The following NUDT19 variants were observed in gnomAD, a reference collection of about 807,000 sequenced individuals.
The protein encoded by NUDT19 is acyl-coenzyme A diphosphatase NUDT19.
In NUDT19, 31 loss-of-function variants were observed where a neutral mutation model predicts 22.2. The ratio of observed to expected loss-of-function variants is 1.40; its 90% CI spans 1.05 to 1.89. The LOEUF is 1.89. Among genes scored for constraint, NUDT19 ranks in the 40% most tolerant of loss-of-function variants. NUDT19 has a pLI of 0.00. For synonymous variants in NUDT19, 325 were observed against 230.8 expected, an observed-to-expected ratio of 1.41 and a Z score of -3.70; for missense variants, 752 against 514.2, an observed-to-expected ratio of 1.46 and a Z score of -4.47.
rs749977972 is a variant in NUDT19, at chr19:32,692,348, C to A, written c.388C>A (p.Arg130=). The part of the protein sequence containing the change: ...EDVAFRICAV[R]EAFEEAGVLL... ...CGTAGCCTTCCGCATCTGCGCCGTGCGGGAGGCCTTTGAGGAGGCGGGCGT... is the reference window on the plus strand; with the variant it reads ...CGTAGCCTTCCGCATCTGCGCCGTGAGGGAGGCCTTTGAGGAGGCGGGCGT... The change falls in exon 1 of 3, where the codon CGG becomes AGG. Residue 130 remains arginine, a synonymous_variant. Coordinates refer to ENST00000397061, the MANE Select transcript of NUDT19 (RefSeq NM_001105570.2). 11 of 1,590,444 alleles carry A rather than the reference C, an allele frequency of 6.9e-6. No homozygotes were observed. The highest frequency in any genetic ancestry group is 9.4e-6 in the Non-Finnish European group (11 of 1,176,380).
rs185004934 is a variant in NUDT19, at chr19:32,692,539, G to A, written c.579G>A (p.Ala193=). 8.2e-6 allele frequency: 13 copies of A among 1,591,346 alleles called. No individual in the cohort carries two copies. The highest frequency in any genetic ancestry group is 1.7e-4 in the Middle Eastern group (1 of 5,936). The change falls in exon 1 of 3, where the codon GCG becomes GCA. Residue 193 remains alanine (A), a synonymous_variant. Coordinates refer to ENST00000397061, the MANE Select transcript of NUDT19 (RefSeq NM_001105570.2). The part of the protein sequence containing the change: ...AHLDCTPDIW[A]LHNWSAWLTP... ...TCGACTGCACACCCGACATCTGGGCGCTGCACAACTGGAGCGCCTGGCTCA... is the reference window on the plus strand; with the variant it reads ...TCGACTGCACACCCGACATCTGGGCACTGCACAACTGGAGCGCCTGGCTCA...
intron 1 of NUDT19, among the ~76,000 whole-genome samples, chr19:32,700,629 T>G (rs2145361846): frequency 6.6e-6 from 1 of 152,296 alleles, no homozygotes; most frequent in Non-Finnish European, 1.5e-5. Context: ...CGGATCTCAC[T>G]ATGTTGCTCA....
intron 1 of NUDT19, among the ~76,000 whole-genome samples, chr19:32,700,542 G>C (rs184982452): frequency 2.0e-5 from 3 of 152,164 alleles, no homozygotes; most frequent in African/African-American, 7.2e-5. Context: ...AGTGATTCTC[G>C]TCTCAGCTTC....
intron 1 of NUDT19, among the ~76,000 whole-genome samples, chr19:32,696,059 C>T (rs745834312): frequency 2.6e-5 from 4 of 152,134 alleles, no homozygotes; most frequent in Non-Finnish European, 5.9e-5. Context: ...CTAAGAGATC[C>T]TTTCAGGCGG....
chr19:32,705,608 A>C (rs1197080985), intron 1 of NUDT19, among the ~76,000 whole-genome samples: 1 of 146,090 alleles, frequency 6.8e-6, no homozygotes, highest in Non-Finnish European at 1.5e-5. Context: ...TTTTTGAGAC[A>C]TACTTTCACT....
intron 2 of NUDT19, among the ~76,000 whole-genome samples, chr19:32,711,317 A>G (rs923874170): frequency 6.6e-6 from 1 of 151,828 alleles, no homozygotes; most frequent in African/African-American, 2.4e-5. Context: ...ACAAAAATTA[A>G]CCAGGCGTGG....
chr19:32,691,974 T>G lies in NUDT19; in HGVS notation c.14T>G (p.Leu5Arg). MSSS[L>R]RPGPSRWRRA... ...AAGCTGCGCGCCATGAGCAGCTCCC[T>G]GCGGCCGGGCCCCAGCCGCTGGCGG... Residue 5 changes from leucine to arginine, a missense_variant, in exon 1 of 3, where the codon CTG (leucine) becomes CGG (arginine). Physicochemically the swap from Leu to Arg is moderately radical, Grantham distance 102 (BLOSUM62 -2). Transcript: ENST00000397061. The G allele has an allele frequency of 8.1e-7, 1 of 1,231,384 alleles. No homozygotes were observed. The highest frequency in any genetic ancestry group is 1.6e-5 in the African/African-American group (1 of 63,886). The allele number at this position is 1,231,384 out of a possible 1,614,324, so 76.3% of individuals were successfully genotyped here.
In NUDT19 at chr19:32,711,950, A is replaced by G. The variant is rs1010838853; in HGVS notation, c.1121A>G (p.His374Arg). Residue 374 changes from histidine (H) to arginine (R), a missense_variant, in exon 3 of 3, where the codon CAT becomes CGT. By Grantham distance (29) the His-to-Arg change is conservative (BLOSUM62 0). Coordinates refer to ENST00000397061, the MANE Select transcript of NUDT19 (RefSeq NM_001105570.2). ...YPKNSVVRKS[H>R]L ...AAGAACTCTGTAGTAAGAAAAAGCC[A>G]TTTGTAGGGTGCTTAAGCTTGTTTG... 5 of 1,610,350 alleles carry G rather than the reference A, an allele frequency of 3.1e-6. No individual in the cohort carries two copies. Among genetic ancestry groups the G allele is most frequent in the Non-Finnish European group, 4.2e-6 (5 of 1,176,728 alleles).
chr19:32,692,460 G>T lies in NUDT19; in HGVS notation c.500G>T (p.Trp167Leu). 1.3e-6 allele frequency: 2 copies of T among 1,546,442 alleles called. No individual in the cohort carries two copies. The highest frequency in any genetic ancestry group is 2.3e-5 in the South Asian group (2 of 85,338). Reference protein sequence around the residue: ...ALEPPPGLASWRDRVRQDPRH... With the variant: ...ALEPPPGLASLRDRVRQDPRH... ...GAGCCACCGCCGGGCCTGGCCTCCTGGCGCGACCGCGTGCGCCAGGACCCG... is the reference window on the plus strand; with the variant it reads ...GAGCCACCGCCGGGCCTGGCCTCCTTGCGCGACCGCGTGCGCCAGGACCCG... Residue 167 changes from tryptophan (W) to leucine (L), a missense_variant, in exon 1 of 3, where the codon TGG becomes TTG. Physicochemically the swap from Trp to Leu is moderately conservative, Grantham distance 61 (BLOSUM62 -2). Coordinates refer to ENST00000397061, the MANE Select transcript of NUDT19 (RefSeq NM_001105570.2).
intron 1 of NUDT19, among the ~76,000 whole-genome samples, chr19:32,707,284 C>A (rs1232811936): frequency 6.6e-6 from 1 of 152,096 alleles, no homozygotes; most frequent in African/African-American, 2.4e-5. Flanking sequence ...TCCTTTGAGG[C>A]CCAGGGCTCT....
At chr19:32,699,057 G>A (rs189607510) in intron 1 of NUDT19, among the ~76,000 whole-genome samples, 197 of 152,286 alleles carry the variant, frequency 1.3e-3, no homozygotes, top group African/African-American at 4.3e-3. Context: ...GCTTTTGTTA[G>A]GCCTGCTTTT....
intron 1 of NUDT19, among the ~76,000 whole-genome samples, chr19:32,694,254 T>G (rs1968238442): frequency 6.6e-6 from 1 of 152,186 alleles, no homozygotes; most frequent in Non-Finnish European, 1.5e-5. Flanking sequence ...TTCAGAAACC[T>G]TTTCCTGTAA....
intron 1 of NUDT19, among the ~76,000 whole-genome samples, chr19:32,696,068 G>A (rs905522003): frequency 2.6e-5 from 4 of 152,120 alleles, no homozygotes; most frequent in African/African-American, 7.2e-5. Context: ...CCTTTCAGGC[G>A]GCATAAGTCT....
chr19:32,697,768 T>G (rs547902430), intron 1 of NUDT19, among the ~76,000 whole-genome samples: 89 of 152,192 alleles, frequency 5.8e-4, no homozygotes, highest in Admixed American at 2.0e-3. Flanking sequence ...GCATGACATC[T>G]CTCCAAGTGA....
At chr19:32,694,853 A>G (rs1968244930) in intron 1 of NUDT19, among the ~76,000 whole-genome samples, 1 of 152,210 alleles carries the variant, frequency 6.6e-6, no homozygotes, top group Admixed American at 6.5e-5. Flanking sequence ...GAGCAGACCA[A>G]TTATTAGGCA....
At chr19:32,701,234 C>T (rs1968332876) in intron 1 of NUDT19, among the ~76,000 whole-genome samples, 3 of 108,512 alleles carry the variant, frequency 2.8e-5, no homozygotes, top group Admixed American at 1.3e-4. Flanking sequence ...GAAACAGAGT[C>T]TTGCTCTGTC....
chr19:32,697,395 G>A (rs1386086734), intron 1 of NUDT19, among the ~76,000 whole-genome samples: 1 of 152,182 alleles, frequency 6.6e-6, no homozygotes, highest in Non-Finnish European at 1.5e-5. Flanking sequence ...GGTGACAGGG[G>A]AGTGTATTTT....
rs1414131336 is a variant in NUDT19, at chr19:32,692,273, C to T, written c.313C>T (p.Pro105Ser). Reference protein sequence around the residue: ...PFSRTAFPSLPDTDDHKTDNT... With the variant: ...PFSRTAFPSLSDTDDHKTDNT... ...CAGCCGCACCGCTTTCCCGTCGCTG[C>T]CCGACACCGATGACCACAAGACCGA... is the stretch of plus-strand genomic sequence containing the variant. The change falls in exon 1 of 3, where the codon CCC becomes TCC. Residue 105 changes from proline to serine, a missense_variant. Coordinates refer to ENST00000397061, the MANE Select transcript of NUDT19 (RefSeq NM_001105570.2). 7.5e-6 allele frequency: 12 copies of T among 1,592,740 alleles called. 1 individual carries two copies. The South Asian group carries it at 1.3e-4, about 18-fold the overall frequency.
At chr19:32,708,558 G>A (rs977370866) in intron 1 of NUDT19, among the ~76,000 whole-genome samples, 2 of 152,148 alleles carry the variant, frequency 1.3e-5, no homozygotes, top group East Asian at 1.9e-4. Context: ...GAAGTTTTCC[G>A]GGCAAATACT....
Sources: allele counts gnomAD v4.1 joint callset (sites outside exome capture counted in the v4.1 genomes callset), GRCh38; gene constraint gnomAD v4.1.1; transcripts MANE v1.5; gene names NCBI Gene and HGNC (gene_info 2026-07-23, HGNC 2026-07-21).